Variants in ETNK1 observed in about 807,000 individuals in gnomAD.
The protein encoded by ETNK1 is ethanolamine kinase 1.
Under a neutral mutation model 45.1 loss-of-function variants are expected in ETNK1, and 8 were observed. The observed-to-expected ratio is 0.18, with a 90% confidence interval of 0.10 to 0.32. The LOEUF (loss-of-function observed/expected upper bound fraction) is 0.32. Ranked by LOEUF, ETNK1 falls within the 10% of genes least tolerant of loss-of-function variation. ETNK1 has a pLI of 1.00. For missense variants in ETNK1, 302 were observed against 430.6 expected (o/e 0.70, Z 2.64); for synonymous variants, 152 against 151.9 (o/e 1.00, Z -0.01).
chr12:22,645,829 C>T (rs558804974), intron 2 of ETNK1, among the ~76,000 whole-genome samples: 5 of 151,714 alleles, frequency 3.3e-5, no homozygotes, highest in Admixed American at 6.6e-5. Flanking sequence ...TTTAACTGTA[C>T]GTTCATACCC....
intron 1 of ETNK1, among the ~76,000 whole-genome samples, chr12:22,633,246 T>A (rs971363764): frequency 1.3e-5 from 2 of 152,230 alleles, no homozygotes; most frequent in Admixed American, 6.5e-5. Flanking sequence ...TGCTATTGTC[T>A]GTCTTTATTT....
chr12:22,633,144 G>A (rs1161162594), intron 1 of ETNK1, among the ~76,000 whole-genome samples: 1 of 152,196 alleles, frequency 6.6e-6, no homozygotes, highest in Non-Finnish European at 1.5e-5. Context: ...AGCTTTGTTA[G>A]ACACTTTCAG....
chr12:22,683,713 T>C (rs1209302461), intron 6 of ETNK1, among the ~76,000 whole-genome samples: 4 of 152,166 alleles, frequency 2.6e-5, no homozygotes, highest in Admixed American at 6.6e-5. Flanking sequence ...TGAATACTTT[T>C]TTGTTAGAGC....
At chr12:22,651,379 T>G (rs78302215) in intron 2 of ETNK1, among the ~76,000 whole-genome samples, 5,588 of 152,280 alleles carry the variant, frequency 0.037, 272 homozygotes, top group East Asian at 0.22. Flanking sequence ...CCTTTTCTAC[T>G]GGCACAGCTG....
chr12:22,630,184 C>T (rs1385369663), intron 1 of ETNK1, among the ~76,000 whole-genome samples: 1 of 152,096 alleles, frequency 6.6e-6, no homozygotes, highest in Non-Finnish European at 1.5e-5. Flanking sequence ...ATGGTATTAC[C>T]TTGGAAAGTA....
At chr12:22,659,458 T>C (rs1320833316) in intron 3 of ETNK1, among the ~76,000 whole-genome samples, 1 of 152,120 alleles carries the variant, frequency 6.6e-6, no homozygotes, top group Non-Finnish European at 1.5e-5. Context: ...TTCTTGACTT[T>C]TTAAGATACT....
intron 2 of ETNK1, among the ~76,000 whole-genome samples, chr12:22,652,553 G>A (rs1953891816): frequency 6.6e-6 from 1 of 152,168 alleles, no homozygotes; most frequent in Non-Finnish European, 1.5e-5. Flanking sequence ...TAATGGATAT[G>A]AGGTGGTATC....
At chr12:22,667,708 T>C (rs1362261619) in intron 4 of ETNK1, among the ~76,000 whole-genome samples, 1 of 152,196 alleles carries the variant, frequency 6.6e-6, no homozygotes, top group African/African-American at 2.4e-5. Context: ...GTTGGAAAGA[T>C]TTTTCAGGTT....
intron 6 of ETNK1, among the ~76,000 whole-genome samples, chr12:22,680,145 AT>A (rs1215893872): frequency 2.0e-5 from 3 of 151,886 alleles, no homozygotes; most frequent in Non-Finnish European, 4.4e-5. Context: ...TAGTGTTCTG[AT>A]TTGGGTCTAC....
rs1279671250 is a variant in ETNK1 at position 22,625,595 on chromosome 12, C to T, written c.156+9C>T. 1.3e-6 allele frequency: 2 copies of T among 1,571,286 alleles called. No homozygotes were observed. The highest frequency in any genetic ancestry group is 1.7e-6 in the Non-Finnish European group (2 of 1,159,694). ...AGGAGGTGACCCTGCAGGTAACGCC[C>T]ACACCTCAGCTCTGGGTCTCTTATG... On this transcript the variant is annotated intron_variant, in intron 1 of 7. Transcript: ENST00000266517.
chr12:22,681,941 A>G (rs1954219061), intron 6 of ETNK1, among the ~76,000 whole-genome samples: 1 of 152,160 alleles, frequency 6.6e-6, no homozygotes, highest in Non-Finnish European at 1.5e-5. Flanking sequence ...CCAAAGCTCA[A>G]CAAGTGATAG....
chr12:22,644,316 G>A (rs917877185), intron 2 of ETNK1: 1 of 1,591,030 alleles, frequency 6.3e-7, no homozygotes, highest in African/African-American at 1.4e-5. Flanking sequence ...TAGTGTTTGA[G>A]TTGAAGTGTT....
intron 1 of ETNK1, among the ~76,000 whole-genome samples, chr12:22,633,437 C>T (rs1351765565): frequency 2.6e-5 from 4 of 152,192 alleles, no homozygotes; most frequent in African/African-American, 9.7e-5. Flanking sequence ...TACTCTCAAT[C>T]ATTGCTACAG....
chr12:22,668,879 A>G (rs917810103), intron 4 of ETNK1, among the ~76,000 whole-genome samples: 5 of 152,216 alleles, frequency 3.3e-5, no homozygotes, highest in Non-Finnish European at 5.9e-5. Flanking sequence ...AAAATGTGCT[A>G]TGCTTTAATT....
chr12:22,647,009 A>G (rs1332211332), intron 2 of ETNK1, among the ~76,000 whole-genome samples: 1 of 151,838 alleles, frequency 6.6e-6, no homozygotes, highest in South Asian at 2.1e-4. Flanking sequence ...TTGAAGGACA[A>G]GGTAGCCTGT....
At chr12:22,633,295 C>G (rs1196040809) in intron 1 of ETNK1, among the ~76,000 whole-genome samples, 1 of 152,186 alleles carries the variant, frequency 6.6e-6, no homozygotes, top group South Asian at 2.1e-4. Context: ...TCTTGAACTC[C>G]TGGCCTCAAG....
At chr12:22,665,458 A>G (rs1592131925) in intron 4 of ETNK1, among the ~76,000 whole-genome samples, 1 of 152,310 alleles carries the variant, frequency 6.6e-6, no homozygotes, top group Non-Finnish European at 1.5e-5. Context: ...GATCATGCAT[A>G]TAAAATATAT....
intron 6 of ETNK1, among the ~76,000 whole-genome samples, chr12:22,676,371 G>T (rs1954162169): frequency 6.6e-6 from 1 of 152,264 alleles, no homozygotes; most frequent in Admixed American, 6.5e-5. Context: ...GTATTCCATG[G>T]TGTATATGTG....
At chr12:22,644,420 T>C in intron 2 of ETNK1, 1 of 1,185,978 alleles carries the variant, frequency 8.4e-7, no homozygotes, top group Non-Finnish European at 1.1e-6. Context: ...TAACAATTCT[T>C]TGTTCTTTAC....
Sources: allele counts gnomAD v4.1 joint callset (sites outside exome capture counted in the v4.1 genomes callset), GRCh38; gene constraint gnomAD v4.1.1; transcripts MANE v1.5; gene names NCBI Gene and HGNC (gene_info 2026-07-23, HGNC 2026-07-21).